The following PAK3 variants were observed in gnomAD, a reference collection of about 807,000 sequenced individuals.
PAK3 encodes the protein serine/threonine-protein kinase PAK 3.
In PAK3, 4 loss-of-function variants were observed where a neutral mutation model predicts 41.0. The ratio of observed to expected loss-of-function variants is 0.10; its 90% CI spans 0.05 to 0.22. PAK3 has a LOEUF of 0.22. Among genes scored for constraint, PAK3 ranks in the 10% least tolerant of loss-of-function variants. The probability of loss-of-function intolerance (pLI) is 1.00; values close to 1 mark genes in which losing one functional copy is unlikely to be tolerated. For synonymous variants in PAK3, 146 were observed against 139.6 expected (o/e 1.05, Z -0.32); for missense variants, 205 against 409.9 (o/e 0.50, Z 4.32).
At chrX:111,011,082 T>C (rs1393081809) in intron 1 of PAK3, among the ~76,000 whole-genome samples, 3 of 111,845 alleles carry the variant, frequency 2.7e-5, no homozygotes, top group Non-Finnish European at 5.6e-5. Flanking sequence ...TGCCTCATAG[T>C]GGGTGCTCAA....
intron 8 of PAK3, 126 bp from the exon 9 acceptor site, chrX:111,162,789 C>A: frequency 1.6e-6 from 1 of 635,724 alleles, no homozygotes. Context: ...TGATTCTGAT[C>A]ATTTGTGAAA....
chrX:111,198,692 T>A (rs1369461593), intron 16 of PAK3, among the ~76,000 whole-genome samples: 1 of 107,639 alleles, frequency 9.3e-6, no homozygotes, highest in Non-Finnish European at 1.9e-5. Context: ...TATGTGTCTA[T>A]TTTTTTTTTA....
At position 111,126,448 on chromosome X, in the gene PAK3, G is replaced by A. The variant is rs756413171; in HGVS notation, c.175+3170G>A. Reference sequence around the variant, plus strand: ...TGGGGAAAGAGGGATTACTATTTCTGTGTTCCTATCTCTTGGTAACTGCTT... The same window carrying A: ...TGGGGAAAGAGGGATTACTATTTCTATGTTCCTATCTCTTGGTAACTGCTT... On this transcript the variant is annotated intron_variant, in intron 5 of 17. Coordinates refer to ENST00000372007, the MANE Select transcript of PAK3 (RefSeq NM_002578.5). Among the ~76,000 whole-genome samples the A allele has an allele frequency of 6.3e-5, 7 of 110,749 alleles. No individual in the cohort carries two copies. The South Asian group carries it at 2.7e-3, about 43-fold the overall frequency.
chrX:111,039,579 G>C (rs754033020), intron 1 of PAK3, among the ~76,000 whole-genome samples: 1 of 111,833 alleles, frequency 8.9e-6, no homozygotes, highest in East Asian at 2.8e-4. Flanking sequence ...TGGACTGATA[G>C]AAAGAGTGCT....
intron 1 of PAK3, among the ~76,000 whole-genome samples, chrX:111,061,538 G>T (rs908921748): frequency 2.7e-5 from 3 of 111,743 alleles, no homozygotes; most frequent in African/African-American, 6.5e-5. Context: ...TATGTAGATT[G>T]TCATTGCATT....
chrX:111,032,961 A>G (rs1248238906), intron 1 of PAK3, among the ~76,000 whole-genome samples: 1 of 111,593 alleles, frequency 9.0e-6, no homozygotes, highest in Non-Finnish European at 1.9e-5. Context: ...ACTTGGGCAT[A>G]TATGTCAGTG....
intron 1 of PAK3, among the ~76,000 whole-genome samples, chrX:110,994,856 C>T (rs2091713382): frequency 9.0e-6 from 1 of 111,579 alleles, no homozygotes; most frequent in African/African-American, 3.3e-5. Flanking sequence ...TAGCCCAGTG[C>T]CTGGCTTAAC....
At chrX:111,067,320 C>T (rs1179037332) in intron 1 of PAK3, among the ~76,000 whole-genome samples, 1 of 111,119 alleles carries the variant, frequency 9.0e-6, no homozygotes, top group East Asian at 2.8e-4. Context: ...GAGTAAGTGC[C>T]TTTATATATT....
rs139179559 is a variant in PAK3, at chrX:110,959,661, A to G, written c.-28+15033A>G. Among the ~76,000 whole-genome samples the G allele has an allele frequency of 7.7e-3, 857 of 110,998 alleles. 9 individuals carry two copies. Among genetic ancestry groups the G allele is most frequent in the African/African-American group, 0.026 (780 of 30,521 alleles). On this transcript the variant is annotated intron_variant, in intron 1 of 14. Transcript: ENST00000425146. ...GATACTAGTGTGCTGTCAGGTTTTC[A>G]CACCACTGGTACCTGCTTGCCTTAA... is the stretch of plus-strand genomic sequence containing the variant.
intron 3 of PAK3, among the ~76,000 whole-genome samples, chrX:111,098,997 A>G (rs950349399): frequency 4.6e-5 from 5 of 109,883 alleles, no homozygotes; most frequent in Non-Finnish European, 9.5e-5. Context: ...GGCACTACAC[A>G]GCTTCTCCAG....
intron 1 of PAK3, among the ~76,000 whole-genome samples, chrX:110,948,376 G>T (rs771554894): frequency 9.0e-6 from 1 of 111,705 alleles, no homozygotes; most frequent in African/African-American, 3.3e-5. Context: ...GAAGCTAGCT[G>T]GTGCAGGATT....
intron 8 of PAK3, among the ~76,000 whole-genome samples, 167 bp from the exon 9 acceptor site, chrX:111,162,748 G>A (rs1303415109): frequency 9.0e-6 from 1 of 111,423 alleles, no homozygotes; most frequent in Admixed American, 9.5e-5. Context: ...ATTGTATTCA[G>A]GTGAGCAAGT....
intron 11 of PAK3, among the ~76,000 whole-genome samples, chrX:111,178,227 T>C (rs2094427560): frequency 9.0e-6 from 1 of 111,420 alleles, no homozygotes; most frequent in Non-Finnish European, 1.9e-5. Context: ...GAATCACTCT[T>C]TGGCTGGCCT....
intron 16 of PAK3, among the ~76,000 whole-genome samples, chrX:111,203,702 G>C (rs2094708496): frequency 8.9e-6 from 1 of 111,890 alleles, no homozygotes; most frequent in African/African-American, 3.2e-5. Context: ...CAGAATAAGA[G>C]AATCTCTAGT....
intron 1 of PAK3, among the ~76,000 whole-genome samples, chrX:111,075,686 G>C (rs2092778825): frequency 8.9e-6 from 1 of 112,697 alleles, no homozygotes; most frequent in African/African-American, 3.2e-5. Context: ...ACCAGGTACT[G>C]CCTGGTGGAG....
chrX:111,062,305 G>T (rs58845498), intron 1 of PAK3, among the ~76,000 whole-genome samples: 5,246 of 111,931 alleles, frequency 0.047, 294 homozygotes, highest in African/African-American at 0.16. Flanking sequence ...GATTAAAGTA[G>T]GTTTGCTGTA....
intron 17 of PAK3, chrX:111,217,457 A>G (rs754485574): frequency 2.2e-6 from 2 of 889,017 alleles, no homozygotes; most frequent in South Asian, 2.1e-5. Context: ...AGAAGGTGCA[A>G]CACTTGGTTA....
chrX:110,990,980 T>A (rs1325155187), intron 1 of PAK3, among the ~76,000 whole-genome samples: 1 of 109,500 alleles, frequency 9.1e-6, no homozygotes, highest in Non-Finnish European at 1.9e-5. Context: ...TACACAAAAA[T>A]TAGCTGGGTG....
intron 1 of PAK3, among the ~76,000 whole-genome samples, chrX:111,085,268 G>A (rs2092872459): frequency 1.8e-5 from 2 of 111,055 alleles, no homozygotes; most frequent in Non-Finnish European, 3.8e-5. Flanking sequence ...GATATCCCAG[G>A]GGCTTGGCTA....
Sources: allele counts gnomAD v4.1 joint callset (sites outside exome capture counted in the v4.1 genomes callset), GRCh38; gene constraint gnomAD v4.1.1; transcripts MANE v1.5; gene names NCBI Gene and HGNC (gene_info 2026-07-23, HGNC 2026-07-21).